Variants in DNAH12 observed in about 807,000 individuals in gnomAD.
The protein encoded by DNAH12 is dynein axonemal heavy chain 12.
A neutral mutation model predicts 371.5 loss-of-function variants in DNAH12; 285 were observed. The observed-to-expected ratio is 0.77, with a 90% CI of 0.70 to 0.85. The LOEUF is 0.85. DNAH12 is among the 40% of genes least tolerant of loss of function. The pLI is 0.00. For missense variants in DNAH12, 3,611 were observed against 3,689.4 expected, an observed-to-expected ratio of 0.98 and a Z score of 0.55; for synonymous variants, 1,200 against 1,213.0, an observed-to-expected ratio of 0.99 and a Z score of 0.22.
chr3:57,518,777 C>T (rs1308933893), intron 4 of DNAH12, among the ~76,000 whole-genome samples: 1 of 152,082 alleles, frequency 6.6e-6, no homozygotes, highest in Non-Finnish European at 1.5e-5. Context: ...AGAAAATGTG[C>T]AAGAGGAGTC....
chr3:57,445,548 AT>A (rs11427137), intron 27 of DNAH12, 129 bp from the exon 28 acceptor site: 25 of 738,390 alleles, frequency 3.4e-5, no homozygotes, highest in African/African-American at 1.3e-4. Flanking sequence ...CTAAACTCTA[AT>A]TTTTTTTAGT....
chr3:57,374,528 A>C (rs1274631527), intron 55 of DNAH12, among the ~76,000 whole-genome samples: 1 of 152,200 alleles, frequency 6.6e-6, no homozygotes, highest in Admixed American at 6.5e-5. Flanking sequence ...ACTAACAATG[A>C]TAGCTAATAA....
Position 57,508,448 on chromosome 3 carries a change from T to G in DNAH12, c.635A>C (p.Lys212Thr). 1 of 1,613,292 alleles carries G rather than the reference T, an allele frequency of 6.2e-7. No homozygotes were observed. Among genetic ancestry groups the G allele is most frequent in the Non-Finnish European group, 8.5e-7 (1 of 1,179,842 alleles). The stretch of plus-strand genomic sequence containing the variant: ...TGTATAACCAAGGTCCAGTAACATT[T>G]TCATAGTTGGATGAATAATGTGCAA... ...SNLHIIHPTM[K>T]MLLDLGYTTF... The change falls in exon 7 of 74, where the codon AAA becomes ACA. Residue 212 changes from lysine to threonine, a missense_variant. Physicochemically the swap from Lys to Thr is moderately conservative, Grantham distance 78. Around this residue, in one of 3 missense-constraint regions of DNAH12, gnomAD observed 1,314 missense variants for 1,398.7 expected, o/e 0.94. Coordinates refer to ENST00000495027, the MANE Select transcript of DNAH12 (RefSeq NM_001366028.2).
intron 2 of DNAH12, among the ~76,000 whole-genome samples, chr3:57,535,568 G>A (rs1333871930): frequency 1.3e-5 from 2 of 152,094 alleles, no homozygotes; most frequent in African/African-American, 4.8e-5. Flanking sequence ...TTAAGACAGA[G>A]TTTTGCTCTT....
chr3:57,343,960 C>A (rs1347327628), intron 60 of DNAH12, among the ~76,000 whole-genome samples: 1 of 152,136 alleles, frequency 6.6e-6, no homozygotes, highest in East Asian at 1.9e-4. Context: ...ATGTTTTTTG[C>A]TGATCTTCTC....
At position 57,509,177 on chromosome 3, in the gene DNAH12, G is replaced by A. The variant is rs748983899; in HGVS notation, c.505C>T (p.Leu169Phe). Reference sequence around the variant, plus strand: ...GGTAAAGGACCTCCTTCATCTTCAAGCGATTTAACTGGTGGTTTCACAAGA... The same window carrying A: ...GGTAAAGGACCTCCTTCATCTTCAAACGATTTAACTGGTGGTTTCACAAGA... ...SVLVKPPVKS[L>F]EDEGGPLPES... The change falls in exon 6 of 74, where the codon CTT becomes TTT. Residue 169 changes from leucine (L) to phenylalanine (F), a missense_variant. Around this residue, in one of 3 missense-constraint regions of DNAH12, gnomAD observed 1,314 missense variants for 1,398.7 expected, o/e 0.94. Transcript: ENST00000495027. 3.1e-5 allele frequency: 50 copies of A among 1,613,622 alleles called. No homozygotes were observed. Among genetic ancestry groups the A allele is most frequent in the Non-Finnish European group, 4.2e-5 (49 of 1,179,924 alleles).
At chr3:57,403,883 C>T (rs1553680040) in intron 42 of DNAH12, among the ~76,000 whole-genome samples, 2 of 152,096 alleles carry the variant, frequency 1.3e-5, no homozygotes, top group African/African-American at 4.8e-5. Context: ...AGGCACTTAG[C>T]TTCACTGGTA....
chr3:57,469,885 G>A (rs1575645664), intron 16 of DNAH12, among the ~76,000 whole-genome samples: 1 of 152,168 alleles, frequency 6.6e-6, no homozygotes, highest in East Asian at 1.9e-4. Flanking sequence ...TAGGTGCTGT[G>A]CTCACTACCT....
chr3:57,488,286 G>A (rs913835185), intron 12 of DNAH12, among the ~76,000 whole-genome samples: 6 of 152,022 alleles, frequency 3.9e-5, no homozygotes, highest in Admixed American at 1.3e-4. Flanking sequence ...TCCACTTCCC[G>A]GGTTCAAGCG....
chr3:57,525,414 A>G (rs2153398684), intron 2 of DNAH12, among the ~76,000 whole-genome samples: 1 of 152,288 alleles, frequency 6.6e-6, no homozygotes, highest in African/African-American at 2.4e-5. Flanking sequence ...TCTCAGCAAT[A>G]TCAAGCTGTA....
intron 27 of DNAH12, 139 bp from the exon 28 acceptor site, chr3:57,445,558 G>A: frequency 1.6e-6 from 1 of 608,418 alleles, no homozygotes; most frequent in East Asian, 3.6e-5. Flanking sequence ...ATTTTTTTTA[G>A]TAGTACTTTT....
At chr3:57,519,773 A>T in intron 4 of DNAH12, 1 of 1,589,598 alleles carries the variant, frequency 6.3e-7, no homozygotes, top group Non-Finnish European at 8.6e-7. Flanking sequence ...GAATGATTAC[A>T]TTCTCCCAAG....
At chr3:57,458,268 A>ATTAT in intron 20 of DNAH12, 48 bp from the exon 21 acceptor site, 1 of 1,504,698 alleles carries the variant, frequency 6.6e-7, no homozygotes. Flanking sequence ...GCCAGATATA[A>ATTAT]TTATGACTTA....
chr3:57,381,332 C>T (rs1316820969), intron 50 of DNAH12, among the ~76,000 whole-genome samples: 1 of 142,850 alleles, frequency 7.0e-6, no homozygotes, highest in Non-Finnish European at 1.5e-5. Flanking sequence ...GACAGAATGG[C>T]CAAAAAAAAA....
intron 60 of DNAH12, among the ~76,000 whole-genome samples, chr3:57,339,166 T>G (rs1553655190): frequency 1.3e-5 from 2 of 152,154 alleles, no homozygotes; most frequent in African/African-American, 4.8e-5. Flanking sequence ...GTTAAACAGA[T>G]GCTTGAAGGC....
the DNAH12 span, among the ~76,000 whole-genome samples, chr3:57,554,222 G>A: frequency 7.6e-6 from 1 of 131,560 alleles, no homozygotes; most frequent in South Asian, 2.2e-4. Context: ...GGGAGGTGGA[G>A]GCTGCAGTGA....
intron 11 of DNAH12, among the ~76,000 whole-genome samples, chr3:57,497,086 C>T (rs930553613): frequency 6.6e-6 from 1 of 152,034 alleles, no homozygotes; most frequent in Admixed American, 6.6e-5. Flanking sequence ...CATTGCTGAG[C>T]GAAATTAAAG....
intron 39 of DNAH12, among the ~76,000 whole-genome samples, chr3:57,410,532 C>T (rs2064168406): frequency 6.6e-6 from 1 of 151,992 alleles, no homozygotes; most frequent in African/African-American, 2.4e-5. Flanking sequence ...ATTAATAATC[C>T]TCCAGGCCGG....
Position 57,523,800 on chromosome 3 carries a change from T to C in DNAH12, c.252+3A>G, listed in dbSNP as rs1406516271. 6.3e-7 allele frequency: 1 copy of C among 1,593,158 alleles called. No homozygotes were observed. The highest frequency in any genetic ancestry group is 8.5e-7 in the Non-Finnish European group (1 of 1,172,766). ...ACTTTTTAACGAGAAAACATAAACT[T>C]ACAGTTTGAGGATAATCAGGTGGTG... On this transcript the variant is annotated splice_donor_region_variant and intron_variant, in intron 3 of 73. Transcript: ENST00000495027.
Sources: gnomAD v4.1 joint callset for allele counts (sites outside exome capture counted in the v4.1 genomes callset) on GRCh38, gnomAD v4.1.1 for gene constraint, gnomAD v4.1.1 regional missense constraint, MANE v1.5 for transcripts, NCBI Gene and HGNC (gene_info 2026-07-23, HGNC 2026-07-21) for gene names.